Variants in EXT2 observed in about 807,000 individuals in gnomAD.
The protein encoded by EXT2 is exostosin glycosyltransferase 2, also known as exostosin-2.
Under a neutral mutation model 81.6 loss-of-function variants are expected in EXT2, and 53 were observed. The ratio of observed to expected loss-of-function variants is 0.65; its 90% CI spans 0.52 to 0.82. The LOEUF is 0.82. EXT2 is among the 40% of genes least tolerant of loss of function. EXT2 has a pLI of 0.00. For missense variants in EXT2, 774 were observed against 910.2 expected, an observed-to-expected ratio of 0.85 and a Z score of 1.93; for synonymous variants, 320 against 340.0, an observed-to-expected ratio of 0.94 and a Z score of 0.65.
chr11:44,107,408 A>C (rs1453585494), intron 1 of EXT2, among the ~76,000 whole-genome samples: 2 of 152,046 alleles, frequency 1.3e-5, no homozygotes. Context: ...CAGCCTGGGC[A>C]ACATGGCAAG....
At chr11:44,127,306 T>TC (rs1565204856) in intron 6 of EXT2, among the ~76,000 whole-genome samples, 1 of 152,000 alleles carries the variant, frequency 6.6e-6, no homozygotes, top group African/African-American at 2.4e-5. Flanking sequence ...ATCACAGGGG[T>TC]CCCCAACTCC....
At chr11:44,155,132 G>C (rs914022906) in intron 7 of EXT2, among the ~76,000 whole-genome samples, 2 of 151,844 alleles carry the variant, frequency 1.3e-5, no homozygotes, top group African/African-American at 4.8e-5. Context: ...TTGCCCATTT[G>C]ATTGCCTGTG....
chr11:44,226,732 G>A (rs908598778), intron 10 of EXT2, among the ~76,000 whole-genome samples: 13 of 152,230 alleles, frequency 8.5e-5, no homozygotes, highest in Non-Finnish European at 1.9e-4. Flanking sequence ...CTGAAGGGAA[G>A]AAGGGCCACT....
At chr11:44,098,990 TA>T (rs895720047) in intron 1 of EXT2, among the ~76,000 whole-genome samples, 2 of 152,174 alleles carry the variant, frequency 1.3e-5, no homozygotes, top group African/African-American at 4.8e-5. Context: ...ATGTTTATAT[TA>T]AATATGTTCT....
chr11:44,212,082 G>C (rs1197471527), intron 10 of EXT2, among the ~76,000 whole-genome samples: 1 of 151,842 alleles, frequency 6.6e-6, no homozygotes, highest in Non-Finnish European at 1.5e-5. Context: ...TCAGGAATTT[G>C]AGACCAGTCT....
chr11:44,241,998 C>T (rs1012969956), intron 13 of EXT2, among the ~76,000 whole-genome samples: 1 of 152,232 alleles, frequency 6.6e-6, no homozygotes, highest in Non-Finnish European at 1.5e-5. Flanking sequence ...CAGCTGTCAA[C>T]AAATCAAGCT....
At chr11:44,151,962 G>A (rs140574700) in intron 7 of EXT2, among the ~76,000 whole-genome samples, 83 of 152,268 alleles carry the variant, frequency 5.5e-4, no homozygotes, top group African/African-American at 1.9e-3. Context: ...ATTCCTTAAT[G>A]ATATGTGATA....
intron 1 of EXT2, among the ~76,000 whole-genome samples, chr11:44,098,102 G>A (rs1236353595): frequency 6.6e-6 from 1 of 152,150 alleles, no homozygotes. Flanking sequence ...TTATGGTATT[G>A]TATGGAATAA....
At chr11:44,232,128 G>A (rs907570057) in intron 10 of EXT2, among the ~76,000 whole-genome samples, 1 of 152,112 alleles carries the variant, frequency 6.6e-6, no homozygotes, top group East Asian at 1.9e-4. Flanking sequence ...AAATTCCCAA[G>A]CATATACAAG....
chr11:44,147,775 C>CTTTTTTTTTTT (rs66961451), intron 7 of EXT2, among the ~76,000 whole-genome samples: 24 of 103,360 alleles, frequency 2.3e-4, no homozygotes, highest in African/African-American at 3.3e-4. Flanking sequence ...TCCACATTGT[C>CTTTTTTTTTTT]TTTTTTTTTT....
intron 1 of EXT2, chr11:44,104,789 C>G (rs976947951): frequency 3.3e-5 from 5 of 152,304 alleles, no homozygotes; most frequent in African/African-American, 1.2e-4. Flanking sequence ...ATAGGGTGGG[C>G]CTGCAGCTGG....
intron 7 of EXT2, among the ~76,000 whole-genome samples, chr11:44,167,267 A>G (rs1428817342): frequency 6.6e-6 from 1 of 152,224 alleles, no homozygotes; most frequent in Non-Finnish European, 1.5e-5. Context: ...AGTGTTTGCC[A>G]ACTCCTAAGG....
At chr11:44,180,343 T>TA in intron 8 of EXT2, among the ~76,000 whole-genome samples, 1 of 152,350 alleles carries the variant, frequency 6.6e-6, no homozygotes, top group South Asian at 2.1e-4. Context: ...ATTATATGCA[T>TA]TATTAGAGCT....
At chr11:44,192,610 A>G (rs1955406785) in intron 8 of EXT2, among the ~76,000 whole-genome samples, 1 of 152,156 alleles carries the variant, frequency 6.6e-6, no homozygotes, top group South Asian at 2.1e-4. Context: ...ACTCTAATTC[A>G]TAGGATCCTG....
chr11:44,185,827 A>G (rs1955302953), intron 8 of EXT2, among the ~76,000 whole-genome samples: 1 of 152,214 alleles, frequency 6.6e-6, no homozygotes, highest in Admixed American at 6.5e-5. Context: ...TGACCTCTCT[A>G]ATATGGTCAG....
chr11:44,101,300 C>A (rs542232701), intron 1 of EXT2, among the ~76,000 whole-genome samples: 1 of 152,138 alleles, frequency 6.6e-6, no homozygotes, highest in Non-Finnish European at 1.5e-5. Context: ...TTGGACACAA[C>A]GACCCATACC....
intron 9 of EXT2, 80 bp downstream of exon 9, chr11:44,198,098 T>C: frequency 6.8e-7 from 1 of 1,467,062 alleles, no homozygotes; most frequent in South Asian, 1.2e-5. Flanking sequence ...TAAATAAATT[T>C]TCCTGCTTTG....
At chr11:44,235,484 A>G (rs1955952375) in intron 12 of EXT2, among the ~76,000 whole-genome samples, 1 of 151,840 alleles carries the variant, frequency 6.6e-6, no homozygotes, top group African/African-American at 2.4e-5. Context: ...GAGCTCAGGC[A>G]GTCCACCCGC....
intron 10 of EXT2, among the ~76,000 whole-genome samples, chr11:44,209,291 C>G (rs1955619976): frequency 6.6e-6 from 1 of 151,972 alleles, no homozygotes; most frequent in South Asian, 2.1e-4. Context: ...ATGTAAGCAC[C>G]AAAAGGCAGT....
Sources: allele counts gnomAD v4.1 joint callset (sites outside exome capture counted in the v4.1 genomes callset), GRCh38; gene constraint gnomAD v4.1.1; transcripts MANE v1.5; gene names NCBI Gene and HGNC (gene_info 2026-07-23, HGNC 2026-07-21).